The following SMCO4 variants were observed in gnomAD, a reference collection of about 807,000 sequenced individuals.
SMCO4 encodes the protein single-pass membrane and coiled-coil domain-containing protein 4.
A neutral mutation model predicts 3.6 loss-of-function variants in SMCO4; 4 were observed. The ratio of observed to expected loss-of-function variants is 1.11; its 90% confidence interval spans 0.54 to 2.53. The LOEUF is 2.53. Among genes scored for constraint, SMCO4 ranks in the 30% most tolerant of loss-of-function variants. SMCO4 has a pLI of 0.02. For synonymous variants in SMCO4, 36 were observed against 35.3 expected (o/e 1.02, Z -0.07); for missense variants, 70 against 80.8 (o/e 0.87, Z 0.51).
chr11:93,528,162 A>T (rs1458509007), intron 1 of SMCO4, among the ~76,000 whole-genome samples: 1 of 152,170 alleles, frequency 6.6e-6, no homozygotes, highest in African/African-American at 2.4e-5. Context: ...ATGACCACTA[A>T]AATAAAGTAC....
chr11:93,504,266 C>T (rs569616549), intron 1 of SMCO4, among the ~76,000 whole-genome samples: 1 of 152,326 alleles, frequency 6.6e-6, no homozygotes, highest in East Asian at 1.9e-4. Context: ...ATTTAGCAAC[C>T]TGGATACATG....
chr11:93,514,835 T>A, intron 1 of SMCO4, among the ~76,000 whole-genome samples: 1 of 152,178 alleles, frequency 6.6e-6, no homozygotes, highest in East Asian at 1.9e-4. Flanking sequence ...AGCTAAGGAC[T>A]TTAAACACAT....
chr11:93,535,472 G>C, intron 1 of SMCO4: 1 of 1,399,310 alleles, frequency 7.1e-7, no homozygotes, highest in South Asian at 1.2e-5. Context: ...CGCCGCGATG[G>C]TGTTGTTGGA....
At chr11:93,550,481 G>A in the SMCO4 span, among the ~76,000 whole-genome samples, 2 of 151,992 alleles carry the variant, frequency 1.3e-5, no homozygotes, top group East Asian at 1.9e-4. Context: ...GCAACATGGT[G>A]AAACCGCATC....
At chr11:93,523,624 A>C (rs2134623596) in intron 1 of SMCO4, among the ~76,000 whole-genome samples, 1 of 152,294 alleles carries the variant, frequency 6.6e-6, no homozygotes, top group South Asian at 2.1e-4. Flanking sequence ...ATGCCACCGC[A>C]CTCTAGCCTG....
intron 2 of SMCO4, among the ~76,000 whole-genome samples, chr11:93,497,167 C>A (rs1212350027): frequency 1.3e-5 from 2 of 152,150 alleles, no homozygotes; most frequent in Non-Finnish European, 2.9e-5. Context: ...CAAAATGTCA[C>A]CTGACAATCC....
chr11:93,489,585 G>A (rs925929106), intron 2 of SMCO4, among the ~76,000 whole-genome samples: 3 of 152,198 alleles, frequency 2.0e-5, no homozygotes, highest in Non-Finnish European at 4.4e-5. Context: ...CATAGAAAAA[G>A]TAGGAGGTTC....
intron 1 of SMCO4, among the ~76,000 whole-genome samples, chr11:93,502,253 G>A (rs1948847698): frequency 6.6e-6 from 1 of 152,136 alleles, no homozygotes; most frequent in Admixed American, 6.5e-5. Flanking sequence ...GAGAACAGAA[G>A]CAAAACTATG....
At chr11:93,532,360 G>A (rs1159167599) in intron 1 of SMCO4, among the ~76,000 whole-genome samples, 1 of 152,214 alleles carries the variant, frequency 6.6e-6, no homozygotes, top group African/African-American at 2.4e-5. Context: ...TCAGGCAACT[G>A]AGTAAGAAAG....
intron 1 of SMCO4, among the ~76,000 whole-genome samples, chr11:93,540,403 C>A (rs1288174501): frequency 6.6e-6 from 1 of 152,196 alleles, no homozygotes; most frequent in African/African-American, 2.4e-5. Context: ...TACACCCAGG[C>A]CTGCCAGACT....
intron 1 of SMCO4, among the ~76,000 whole-genome samples, chr11:93,533,651 C>G (rs1432081909): frequency 2.6e-5 from 4 of 152,112 alleles, no homozygotes; most frequent in African/African-American, 9.7e-5. Flanking sequence ...GTGTGGGGCT[C>G]TGATGTGCAC....
chr11:93,490,849 A>G (rs553498699), intron 2 of SMCO4, among the ~76,000 whole-genome samples: 2 of 152,352 alleles, frequency 1.3e-5, no homozygotes, highest in South Asian at 4.1e-4. Context: ...TCCCGGAGAA[A>G]CCAAGCAGGG....
chr11:93,498,018 C>CACACACTT (rs1255292764), intron 2 of SMCO4, among the ~76,000 whole-genome samples: 1 of 152,098 alleles, frequency 6.6e-6, no homozygotes, highest in African/African-American at 2.4e-5. Context: ...ACTAGATTTG[C>CACACACTT]ACACACTTGC....
chr11:93,478,751 ACAT>A lies in SMCO4; in HGVS notation c.*256_*258del, dbSNP rs1948550317. 6.5e-4 allele frequency: 427 copies of A among 656,546 alleles called. No homozygotes were observed. Among genetic ancestry groups the A allele is most frequent in the Non-Finnish European group, 8.3e-4 (396 of 478,658 alleles). The allele number at this position is 656,546 out of a possible 1,614,324, so 40.7% of individuals were successfully genotyped here. A position where few individuals can be genotyped will look rare whatever the true frequency, so the allele number is the denominator to read the frequency against. On this transcript the variant is annotated 3_prime_UTR_variant, in exon 3 of 3. Transcript: ENST00000298966. ...CACACACACACACACACACACACACACATGCGCGCGCGCTTTGAAGTCTGAAAG... is the reference window on the plus strand; with the variant it reads ...CACACACACACACACACACACACACAGCGCGCGCGCTTTGAAGTCTGAAAG...
chr11:93,501,072 C>T (rs1338204718), intron 1 of SMCO4, among the ~76,000 whole-genome samples: 1 of 152,196 alleles, frequency 6.6e-6, no homozygotes, highest in Non-Finnish European at 1.5e-5. Context: ...ACCTGCTGCT[C>T]GTCCCAGACC....
At chr11:93,506,443 T>C (rs1479718265) in intron 1 of SMCO4, among the ~76,000 whole-genome samples, 1 of 150,880 alleles carries the variant, frequency 6.6e-6, no homozygotes, top group Non-Finnish European at 1.5e-5. Context: ...CACACAGCTT[T>C]TTTTTTTTTT....
chr11:93,535,390 C>T (rs1368199014), intron 1 of SMCO4: 1 of 827,860 alleles, frequency 1.2e-6, no homozygotes, highest in Non-Finnish European at 1.9e-6. Flanking sequence ...ACGATCTCAG[C>T]AATAAGAATC....
At chr11:93,543,041 G>A (rs1045941092) in intron 1 of SMCO4, among the ~76,000 whole-genome samples, 2 of 151,722 alleles carry the variant, frequency 1.3e-5, no homozygotes, top group African/African-American at 2.4e-5. Context: ...GAGCCGCGAC[G>A]GGCAGGCGAG....
At chr11:93,537,404 C>T (rs1468266497) in intron 1 of SMCO4, among the ~76,000 whole-genome samples, 1 of 152,130 alleles carries the variant, frequency 6.6e-6, no homozygotes, top group African/African-American at 2.4e-5. Flanking sequence ...GTCCTGCCAA[C>T]AAAACAGGAA....
Sources: allele counts gnomAD v4.1 joint callset (sites outside exome capture counted in the v4.1 genomes callset), GRCh38; gene constraint gnomAD v4.1.1; transcripts MANE v1.5; gene names NCBI Gene and HGNC (gene_info 2026-07-23, HGNC 2026-07-21).